THSD7B: variants seen among roughly 807,000 people sequenced by gnomAD.
The protein encoded by THSD7B is thrombospondin type 1 domain containing 7B.
Under a neutral mutation model 213.6 loss-of-function variants are expected in THSD7B, and 138 were observed. That is an observed-to-expected ratio of 0.65 (90% CI 0.56 to 0.74). THSD7B has a LOEUF of 0.74. Ranked by LOEUF, THSD7B falls within the 30% of genes least tolerant of loss-of-function variation. THSD7B has a pLI of 0.00. For missense variants in THSD7B, 1,931 were observed against 1,991.5 expected (o/e 0.97, Z 0.58); for synonymous variants, 742 against 687.0 (o/e 1.08, Z -1.25).
At chr2:136,990,481 G>A (rs183089544) in intron 2 of THSD7B, among the ~76,000 whole-genome samples, 2 of 151,858 alleles carry the variant, frequency 1.3e-5, no homozygotes, top group East Asian at 3.9e-4. Context: ...CAGAACTGTA[G>A]GGGGGGGACC....
intron 5 of THSD7B, among the ~76,000 whole-genome samples, chr2:137,122,731 T>A (rs1688565680): frequency 6.6e-6 from 1 of 152,106 alleles, no homozygotes; most frequent in Non-Finnish European, 1.5e-5. Context: ...TTGGAGCTCA[T>A]CTCTACCTGC....
intron 12 of THSD7B, among the ~76,000 whole-genome samples, chr2:137,356,686 C>T (rs1300400061): frequency 6.6e-6 from 1 of 152,152 alleles, no homozygotes; most frequent in East Asian, 1.9e-4. Flanking sequence ...GTCTCGACTC[C>T]TCCAGTGTGC....
At chr2:137,133,421 A>G (rs1445702137) in intron 5 of THSD7B, among the ~76,000 whole-genome samples, 1 of 152,196 alleles carries the variant, frequency 6.6e-6, no homozygotes, top group Non-Finnish European at 1.5e-5. Flanking sequence ...CATGCAGACA[A>G]TGTAGGAGGT....
In THSD7B at chr2:137,512,945, T is replaced by C. The variant is rs370342372; in HGVS notation, c.3139-50276T>C. Among the ~76,000 whole-genome samples the C allele has an allele frequency of 2.2e-4, 33 of 152,236 alleles. No homozygotes were observed. The South Asian group carries it at 6.8e-3, about 32-fold the overall frequency. ...GATTTCAAGTTCAAGCAGAGTGGGA[T>C]AATCACTTTGTATCATTAGAGAGGC... On this transcript the variant is annotated intron_variant, in intron 15 of 27. Transcript: ENST00000409968.
At chr2:137,349,279 G>A (rs534458261) in intron 12 of THSD7B, among the ~76,000 whole-genome samples, 1 of 151,584 alleles carries the variant, frequency 6.6e-6, no homozygotes, top group South Asian at 2.1e-4. Flanking sequence ...ATTTTTAACA[G>A]CATTTTTATC....
chr2:137,284,467 C>T (rs1683118662), intron 12 of THSD7B, among the ~76,000 whole-genome samples: 1 of 152,104 alleles, frequency 6.6e-6, no homozygotes, highest in Non-Finnish European at 1.5e-5. Context: ...GCTCTTGCTT[C>T]TCTAGTTCTT....
At chr2:137,426,987 T>C (rs1329713185) in intron 14 of THSD7B, among the ~76,000 whole-genome samples, 1 of 151,966 alleles carries the variant, frequency 6.6e-6, no homozygotes. Context: ...GGGCAAAGGA[T>C]CTTAGTAGAC....
In THSD7B at chr2:137,441,376, A is replaced by G. The variant is rs376050989; in HGVS notation, c.2960-9469A>G. Among the ~76,000 whole-genome samples, 17 of 152,212 alleles carry G rather than the reference A, an allele frequency of 1.1e-4. 1 individual carries two copies. In the South Asian group the frequency reaches 3.3e-3, roughly 30 times the overall value. ...AATTTATACTTCTCCTCAAACAAAAATTATTGTAGAGAATATTTGACTTAT... is the reference window on the plus strand; with the variant it reads ...AATTTATACTTCTCCTCAAACAAAAGTTATTGTAGAGAATATTTGACTTAT... On this transcript the variant is annotated intron_variant, in intron 14 of 27. Coordinates refer to ENST00000409968, the MANE Select transcript of THSD7B (RefSeq NM_001316349.2).
At chr2:137,226,766 A>T (rs1269054746) in intron 7 of THSD7B, among the ~76,000 whole-genome samples, 1 of 151,854 alleles carries the variant, frequency 6.6e-6, no homozygotes, top group Non-Finnish European at 1.5e-5. Flanking sequence ...AGAAACAGGT[A>T]TTCAAACAAG....
At chr2:137,667,186 AT>A (rs1391270033) in intron 26 of THSD7B, among the ~76,000 whole-genome samples, 1 of 152,204 alleles carries the variant, frequency 6.6e-6, no homozygotes, top group Admixed American at 6.5e-5. Flanking sequence ...AATTGGCTGG[AT>A]TTTATGAACT....
intron 1 of THSD7B, among the ~76,000 whole-genome samples, chr2:136,825,718 A>ATTTTTTTTTTGTTTGTTTTTTTT (rs1553451022): frequency 8.6e-6 from 1 of 116,896 alleles, no homozygotes; most frequent in Non-Finnish European, 1.7e-5. Flanking sequence ...TGCCTGGCTA[A>ATTTTTTTTTTGTTTGTTTTTTTT]TTTTTTTTTT....
At chr2:137,035,697 A>C (rs947031997) in intron 2 of THSD7B, among the ~76,000 whole-genome samples, 1 of 152,086 alleles carries the variant, frequency 6.6e-6, no homozygotes, top group African/African-American at 2.4e-5. Context: ...GAAAATCCCC[A>C]GTGCTTTCTG....
intron 12 of THSD7B, among the ~76,000 whole-genome samples, chr2:137,333,331 A>G (rs534458100): frequency 8.5e-5 from 13 of 152,214 alleles, no homozygotes; most frequent in Non-Finnish European, 1.6e-4. Flanking sequence ...TCTCTTATGT[A>G]TGGAAATCAA....
chr2:137,524,938 A>T (rs1573684754), intron 15 of THSD7B, among the ~76,000 whole-genome samples: 1 of 151,248 alleles, frequency 6.6e-6, no homozygotes, highest in East Asian at 1.9e-4. Flanking sequence ...TTTGCTATTC[A>T]CTCTCTTTTT....
At chr2:137,403,055 T>A (rs927368699) in intron 12 of THSD7B, among the ~76,000 whole-genome samples, 1 of 152,168 alleles carries the variant, frequency 6.6e-6, no homozygotes, top group Non-Finnish European at 1.5e-5. Context: ...GCTGTAATAT[T>A]CCCAACAAAG....
chr2:137,562,182 T>G (rs1681132472), intron 15 of THSD7B, among the ~76,000 whole-genome samples: 1 of 152,160 alleles, frequency 6.6e-6, no homozygotes, highest in Non-Finnish European at 1.5e-5. Context: ...ATTTACAATT[T>G]TATGGAATTA....
At chr2:136,983,682 A>G (rs1486184700) in intron 2 of THSD7B, among the ~76,000 whole-genome samples, 4 of 152,208 alleles carry the variant, frequency 2.6e-5, no homozygotes, top group Non-Finnish European at 5.9e-5. Context: ...GTACACATGT[A>G]TTGATTTACA....
At chr2:136,955,212 G>C (rs370429818) in intron 2 of THSD7B, among the ~76,000 whole-genome samples, 1 of 152,184 alleles carries the variant, frequency 6.6e-6, no homozygotes, top group Admixed American at 6.5e-5. Flanking sequence ...GCAATTTGAG[G>C]TGATGTTTAG....
chr2:137,435,019 TC>T (rs1353861784), intron 14 of THSD7B, among the ~76,000 whole-genome samples: 1 of 152,204 alleles, frequency 6.6e-6, no homozygotes, highest in East Asian at 1.9e-4. Context: ...TGTCCATCTT[TC>T]TTTTTCTTTT....
Sources: gnomAD v4.1 joint callset for allele counts (sites outside exome capture counted in the v4.1 genomes callset) on GRCh38, gnomAD v4.1.1 for gene constraint, MANE v1.5 for transcripts, NCBI Gene and HGNC (gene_info 2026-07-23, HGNC 2026-07-21) for gene names.